The following RNF220 variants were observed in gnomAD, a reference collection of about 807,000 sequenced individuals.
RNF220 encodes the protein E3 ubiquitin-protein ligase RNF220.
A neutral mutation model predicts 67.1 loss-of-function variants in RNF220; 7 were observed. That is an observed-to-expected ratio of 0.10 (90% confidence interval 0.06 to 0.20). The LOEUF (loss-of-function observed/expected upper bound fraction) is 0.20. Ranked by LOEUF, RNF220 falls within the 10% of genes least tolerant of loss-of-function variation. The pLI is 1.00. For missense variants in RNF220, 565 were observed against 740.3 expected (o/e 0.76, Z 2.75); for synonymous variants, 270 against 283.2 (o/e 0.95, Z 0.47).
intron 2 of RNF220, among the ~76,000 whole-genome samples, chr1:44,493,108 T>C (rs1184258530): frequency 6.6e-6 from 1 of 152,168 alleles, no homozygotes; most frequent in South Asian, 2.1e-4. Context: ...AAACTCCATA[T>C]TGACCTCATG....
At chr1:44,448,557 T>C (rs1023264968) in intron 2 of RNF220, among the ~76,000 whole-genome samples, 1 of 152,240 alleles carries the variant, frequency 6.6e-6, no homozygotes, top group Non-Finnish European at 1.5e-5. Context: ...AAATCTTATT[T>C]GGTTTGAAAC....
At chr1:44,426,659 A>G (rs1193612379) in intron 2 of RNF220, among the ~76,000 whole-genome samples, 1 of 151,666 alleles carries the variant, frequency 6.6e-6, no homozygotes, top group Admixed American at 6.6e-5. Context: ...CTCGAGAGAC[A>G]GAGGTTGCAG....
chr1:44,547,637 G>T (rs1662280244), intron 2 of RNF220, among the ~76,000 whole-genome samples: 2 of 151,966 alleles, frequency 1.3e-5, no homozygotes, highest in Admixed American at 1.3e-4. Context: ...CATTCCTGCA[G>T]CTGCAGCTAT....
chr1:44,633,734 C>G (rs1237247811), intron 6 of RNF220, among the ~76,000 whole-genome samples: 1 of 152,170 alleles, frequency 6.6e-6, no homozygotes, highest in East Asian at 1.9e-4. Context: ...GAGGCATTCC[C>G]TTGGTGTAGG....
chr1:44,543,779 G>C (rs796119144), intron 2 of RNF220, among the ~76,000 whole-genome samples: 7 of 152,218 alleles, frequency 4.6e-5, no homozygotes, highest in African/African-American at 1.7e-4. Flanking sequence ...TCTGGCTGTG[G>C]GGGGAGATAT....
chr1:44,466,167 A>G (rs1485310505), intron 2 of RNF220, among the ~76,000 whole-genome samples: 1 of 152,224 alleles, frequency 6.6e-6, no homozygotes, highest in Non-Finnish European at 1.5e-5. Context: ...TGTTCACAAC[A>G]TCTTCACCAG....
In RNF220 at chr1:44,645,832, A is replaced by G. The variant is rs1001371331; in HGVS notation, c.1445+344A>G. On this transcript the variant is annotated intron_variant, in intron 12 of 14. Transcript: ENST00000361799. The surrounding 1 kb of genome is among the most constrained non-coding windows in gnomAD (Gnocchi z 5.0). ...ATTCATCTCCAGTTTCTGTTTCTTA[A>G]TCGGGAGCTAAATTGGTTTCATTTT... 1.3e-5 allele frequency among the ~76,000 whole-genome samples: 2 copies of G among 152,196 alleles called. No individual in the cohort carries two copies. The highest frequency in any genetic ancestry group is 2.9e-5 in the Non-Finnish European group (2 of 68,036).
rs79817428 is a variant in RNF220, at chr1:44,416,647, C to T, written c.625+3925C>T. On this transcript the variant is annotated intron_variant, in intron 2 of 14. Transcript: ENST00000361799. ...GGCTGAGAGGGCCCAGAACTGCCCG[C>T]GTGGAGCGGCGACTGGCCCTGTCTT... 2.2e-3 allele frequency among the ~76,000 whole-genome samples: 341 copies of T among 152,354 alleles called. 1 individual carries two copies. The highest frequency in any genetic ancestry group is 8.0e-3 in the African/African-American group (332 of 41,588).
chr1:44,490,194 G>A (rs570089152), intron 2 of RNF220, among the ~76,000 whole-genome samples: 22 of 152,144 alleles, frequency 1.4e-4, no homozygotes, highest in Non-Finnish European at 2.4e-4. Flanking sequence ...TCAGCCGGGC[G>A]TGGTGGCTCA....
intron 2 of RNF220, among the ~76,000 whole-genome samples, chr1:44,468,252 T>C (rs908797463): frequency 6.6e-5 from 10 of 151,558 alleles, no homozygotes; most frequent in African/African-American, 2.4e-4. Context: ...CGGTGAAAGG[T>C]GTGGAAAGAG....
At chr1:44,526,253 C>T (rs978726215) in intron 2 of RNF220, among the ~76,000 whole-genome samples, 23 of 152,230 alleles carry the variant, frequency 1.5e-4, no homozygotes, top group African/African-American at 5.1e-4. Context: ...CAACAGTCTG[C>T]GTACTTGTCC....
chr1:44,537,620 CTATATGA>C (rs1422581966), intron 2 of RNF220, among the ~76,000 whole-genome samples: 4 of 152,146 alleles, frequency 2.6e-5, no homozygotes, highest in African/African-American at 9.7e-5. Context: ...ATTCTCTTTA[CTATATGA>C]TAAACTGGCA....
intron 2 of RNF220, among the ~76,000 whole-genome samples, chr1:44,515,193 C>T (rs1659355493): frequency 6.6e-6 from 1 of 152,156 alleles, no homozygotes; most frequent in African/African-American, 2.4e-5. Flanking sequence ...CCCAGACAAA[C>T]CAGGAGGTTT....
intron 3 of RNF220, among the ~76,000 whole-genome samples, chr1:44,618,599 G>C (rs1028448059): frequency 1.3e-5 from 2 of 152,254 alleles, no homozygotes; most frequent in Non-Finnish European, 2.9e-5. Flanking sequence ...ATGGAGGACA[G>C]ATTGTGGAGG....
chr1:44,461,025 C>G (rs1337090307), intron 2 of RNF220, among the ~76,000 whole-genome samples: 1 of 152,184 alleles, frequency 6.6e-6, no homozygotes, highest in African/African-American at 2.4e-5. Context: ...CTGGGACATT[C>G]ATCTAAATAA....
intron 2 of RNF220, among the ~76,000 whole-genome samples, chr1:44,470,487 A>G (rs1156438668): frequency 6.6e-6 from 1 of 152,222 alleles, no homozygotes; most frequent in Non-Finnish European, 1.5e-5. Flanking sequence ...ATGGATACAC[A>G]CAATTCCCCC....
In RNF220 at chr1:44,411,968, G is replaced by T; in HGVS notation, c.-117-13G>T. On this transcript the variant is annotated splice_polypyrimidine_tract_variant and intron_variant, in intron 1 of 14. Transcript: ENST00000361799. ...TCCTCCCCCTTCTTTTTTTCTCTTTGCTGTTTCTACAGGTCTTAGGAGGGA... is the reference window on the plus strand; with the variant it reads ...TCCTCCCCCTTCTTTTTTTCTCTTTTCTGTTTCTACAGGTCTTAGGAGGGA... 4.7e-4 allele frequency: 440 copies of T among 936,162 alleles called. No individual in the cohort carries two copies. Among genetic ancestry groups the T allele is most frequent in the South Asian group, 2.7e-3 (90 of 33,822 alleles). 58.0% of individuals were successfully genotyped at this position (936,162 alleles called of 1,614,324 possible). A position where few individuals can be genotyped will look rare whatever the true frequency, so the allele number is the denominator to read the frequency against.
At chr1:44,637,902 G>T (rs1184419757) in intron 8 of RNF220, among the ~76,000 whole-genome samples, 1 of 152,242 alleles carries the variant, frequency 6.6e-6, no homozygotes, top group Non-Finnish European at 1.5e-5. Context: ...CAGCTTTCCT[G>T]ATAGAAGCTG....
Position 44,618,048 on chromosome 1 carries a change from C to T in RNF220, c.758+3751C>T, listed in dbSNP as rs534458223. On this transcript the variant is annotated intron_variant, in intron 3 of 14. Coordinates refer to ENST00000361799, the MANE Select transcript of RNF220 (RefSeq NM_018150.4). ...TCTGTGGATGCTGCCGCCAGGTGCC[C>T]TCCATCAACCTGGACACGTCCCCCC... Among the ~76,000 whole-genome samples, 4 of 152,332 alleles carry T rather than the reference C, an allele frequency of 2.6e-5. No individual in the cohort carries two copies. The East Asian group carries it at 7.7e-4, about 29-fold the overall frequency.
Sources: gnomAD v4.1 joint callset for allele counts (sites outside exome capture counted in the v4.1 genomes callset) on GRCh38, gnomAD v4.1.1 for gene constraint, Gnocchi (gnomAD v3.1) non-coding constraint, MANE v1.5 for transcripts, NCBI Gene and HGNC (gene_info 2026-07-23, HGNC 2026-07-21) for gene names.